CEP95: variants seen among roughly 807,000 people sequenced by gnomAD.
CEP95 encodes the protein centrosomal protein of 95 kDa.
A neutral mutation model predicts 111.2 loss-of-function variants in CEP95; 98 were observed. The observed-to-expected ratio is 0.88, with a 90% CI of 0.75 to 1.04. CEP95 has a LOEUF of 1.04. Among genes scored for constraint, CEP95 ranks in the 50% least tolerant of loss-of-function variants. The pLI is 0.00. For synonymous variants in CEP95, 323 were observed against 327.1 expected (o/e 0.99, Z 0.14); for missense variants, 1,027 against 977.2 (o/e 1.05, Z -0.68).
At chr17:64,516,854 A>G (rs782251975) in intron 5 of CEP95, 26 bp downstream of exon 5, 1 of 1,354,036 alleles carries the variant, frequency 7.4e-7, no homozygotes, top group Non-Finnish European at 1.1e-6. Context: ...TCTGAATTTG[A>G]TGAAAACAAG....
At chr17:64,523,320 G>T (rs1206524872) in intron 8 of CEP95, among the ~76,000 whole-genome samples, 2 of 152,074 alleles carry the variant, frequency 1.3e-5, no homozygotes, top group Non-Finnish European at 2.9e-5. Context: ...GAGAGGGCAA[G>T]GTTACACAGC....
At chr17:64,516,152 A>G (rs890759365) in intron 4 of CEP95, 1 of 152,242 alleles carries the variant, frequency 6.6e-6, no homozygotes, top group Non-Finnish European at 1.5e-5. Flanking sequence ...GTGAATCTCT[A>G]GACATGGGCA....
intron 3 of CEP95, 43 bp from the exon 4 acceptor site, chr17:64,514,205 T>C (rs781939361): frequency 2.6e-6 from 2 of 772,770 alleles, no homozygotes; most frequent in Non-Finnish European, 4.3e-6. Context: ...AGCTTTCAGA[T>C]TTCATGGTTA....
At chr17:64,534,389 T>C (rs1221972335) in intron 16 of CEP95, 196 bp from the exon 17 acceptor site, 4 of 535,010 alleles carry the variant, frequency 7.5e-6, no homozygotes, top group Non-Finnish European at 1.3e-5. Flanking sequence ...TCTGCTGCAG[T>C]GGGGTGTTAT....
intron 14 of CEP95, 82 bp from the exon 15 acceptor site, chr17:64,532,757 C>G (rs190755881): frequency 6.6e-7 from 1 of 1,503,962 alleles, no homozygotes; most frequent in African/African-American, 1.4e-5. Flanking sequence ...ACATCACTTA[C>G]ATAAGCTTTG....
chr17:64,507,216 C>A, intron 1 of CEP95, 100 bp downstream of exon 1: 3 of 1,531,550 alleles, frequency 2.0e-6, no homozygotes, highest in Non-Finnish European at 2.6e-6. Context: ...GTCGGCGGGG[C>A]TCGTGACCTT....
chr17:64,516,184 A>G (rs1211731467), intron 4 of CEP95: 1 of 152,214 alleles, frequency 6.6e-6, no homozygotes, highest in Non-Finnish European at 1.5e-5. Flanking sequence ...AAAGGGGTAA[A>G]TCTGAATCAT....
intron 5 of CEP95, among the ~76,000 whole-genome samples, chr17:64,518,244 A>G (rs935267060): frequency 6.6e-6 from 1 of 152,252 alleles, no homozygotes; most frequent in African/African-American, 2.4e-5. Context: ...GATGCTTCAT[A>G]AATTACTAAG....
At position 64,519,429 on chromosome 17, in the gene CEP95, A is replaced by G; in HGVS notation, c.582A>G (p.Arg194=). 6.2e-7 allele frequency: 1 copy of G among 1,606,422 alleles called. No individual in the cohort carries two copies. Among genetic ancestry groups the G allele is most frequent in the Non-Finnish European group, 8.5e-7 (1 of 1,173,110 alleles). ...LGDTAHTFSL[R]SNGAQCPNEM... is the part of the protein sequence containing the mutation. The stretch of plus-strand genomic sequence containing the variant: ...ACACAGCACACACCTTTTCTCTAAG[A>G]AGTAATGGTGAGTAGTTAAACCTGA... The change falls in exon 6 of 20, where the codon AGA becomes AGG. Residue 194 remains arginine, a synonymous_variant. Transcript: ENST00000556440.
At position 64,536,640 on chromosome 17, in the gene CEP95, A is replaced by G; in HGVS notation, c.2109A>G (p.Gln703=). The change falls in exon 18 of 20, where the codon CAA becomes CAG. Residue 703 remains glutamine, a synonymous_variant. Coordinates refer to ENST00000556440, the MANE Select transcript of CEP95 (RefSeq NM_138363.3). ...TGTTTGAAGAAGGTTTAAACATTCA[A>G]AAGCAAAGATTACGAGACCTAAGAA... ...KKLFEEGLNI[Q]KQRLRDLRNY... is the part of the protein sequence containing the mutation. 1 of 1,606,016 alleles carries G rather than the reference A, an allele frequency of 6.2e-7. No individual in the cohort carries two copies. Among genetic ancestry groups the G allele is most frequent in the Non-Finnish European group, 8.5e-7 (1 of 1,177,286 alleles).
chr17:64,514,391 A>G, intron 4 of CEP95, 33 bp downstream of exon 4: 2 of 976,228 alleles, frequency 2.0e-6, no homozygotes, highest in African/African-American at 3.2e-5. Context: ...GGTTTGGTTT[A>G]CCTTTTATGA....
In CEP95 at chr17:64,510,238, C is replaced by T. The variant is rs1555674501; in HGVS notation, c.214C>T (p.Leu72=). Reference sequence around the variant, plus strand: ...CAATGTACAAGCAGTAATTGATTCACTGGCCTTGGACTACTTGCAGGTCAG... The same window carrying T: ...CAATGTACAAGCAGTAATTGATTCATTGGCCTTGGACTACTTGCAGGTCAG... ...AHNVQAVIDS[L]ALDYLQVSLS... is the part of the protein sequence containing the mutation. The change falls in exon 3 of 20, where the codon CTG becomes TTG. Residue 72 remains leucine (L), a synonymous_variant. Coordinates refer to ENST00000556440, the MANE Select transcript of CEP95 (RefSeq NM_138363.3). The T allele has an allele frequency of 1.9e-6, 3 of 1,611,742 alleles. No individual in the cohort carries two copies. The highest frequency in any genetic ancestry group is 1.7e-6 in the Non-Finnish European group (2 of 1,178,748).
chr17:64,532,139 T>TAAAA, intron 14 of CEP95, 117 bp downstream of exon 14: 3 of 1,379,512 alleles, frequency 2.2e-6, no homozygotes, highest in Non-Finnish European at 2.8e-6. Flanking sequence ...GAAAGTTTTT[T>TAAAA]TTTTTTCCCA....
intron 17 of CEP95, chr17:64,535,975 A>ATGAT (rs1568159597): frequency 1.3e-5 from 2 of 152,262 alleles, no homozygotes; most frequent in African/African-American, 4.8e-5. Context: ...CACGAATTAC[A>ATGAT]TGATTCCATT....
intron 5 of CEP95, among the ~76,000 whole-genome samples, chr17:64,518,157 G>A (rs974029681): frequency 6.6e-5 from 10 of 152,218 alleles, no homozygotes; most frequent in Non-Finnish European, 1.3e-4. Flanking sequence ...GATTACAGGC[G>A]TGAGCCCCTG....
At chr17:64,537,421 C>T in intron 19 of CEP95, 182 bp from the exon 20 acceptor site, 2 of 1,382,210 alleles carry the variant, frequency 1.4e-6, no homozygotes, top group South Asian at 3.9e-5. Context: ...GGCAATCCAT[C>T]TATGACCCAA....
rs1319836386 is a variant in CEP95 at position 64,525,686 on chromosome 17, C to T, written c.910-84C>T. Reference sequence around the variant, plus strand: ...ATTGAAGGCACGTAGCTTTGTGCCACAGTTCCTCCCTTCCTCACTCCCAGA... The same window carrying T: ...ATTGAAGGCACGTAGCTTTGTGCCATAGTTCCTCCCTTCCTCACTCCCAGA... On this transcript the variant is annotated intron_variant, in intron 8 of 19. Coordinates refer to ENST00000556440, the MANE Select transcript of CEP95 (RefSeq NM_138363.3). The T allele has an allele frequency of 4.8e-6, 4 of 827,664 alleles. No individual in the cohort carries two copies. The Admixed American group carries it at 7.8e-5, about 16-fold the overall frequency. The allele number at this position is 827,664 out of a possible 1,614,324, so 51.3% of individuals were successfully genotyped here.
At chr17:64,537,498 G>A in intron 19 of CEP95, 105 bp from the exon 20 acceptor site, 2 of 1,440,414 alleles carry the variant, frequency 1.4e-6, no homozygotes, top group Non-Finnish European at 1.8e-6. Flanking sequence ...CTAGATTATT[G>A]AAAATTTTGG....
chr17:64,532,965 A>C lies in CEP95; in HGVS notation c.1799A>C (p.Glu600Ala). The C allele has an allele frequency of 6.2e-7, 1 of 1,613,662 alleles. No individual in the cohort carries two copies. The highest frequency in any genetic ancestry group is 8.5e-7 in the Non-Finnish European group (1 of 1,179,792). The stretch of plus-strand genomic sequence containing the variant: ...GCACAGGTTGAACAGCTTAAGAAAG[A>C]AGCATGTAGAGAAAATCGATCAAAG... ...QIAQVEQLKK[E>A]ACRENRSKKK... Residue 600 changes from glutamate to alanine, a missense_variant, in exon 15 of 20, where the codon GAA (glutamate) becomes GCA (alanine). Physicochemically the swap from Glu to Ala is moderately radical, Grantham distance 107. Transcript: ENST00000556440.
Sources: gnomAD v4.1 joint callset for allele counts (sites outside exome capture counted in the v4.1 genomes callset) on GRCh38, gnomAD v4.1.1 for gene constraint, MANE v1.5 for transcripts, NCBI Gene and HGNC (gene_info 2026-07-23, HGNC 2026-07-21) for gene names.